Variants in EEF2K observed in about 807,000 individuals in gnomAD.
The protein encoded by EEF2K is alternative protein EEF2K.
Under a neutral mutation model 93.8 loss-of-function variants are expected in EEF2K, and 70 were observed. That is an observed-to-expected ratio of 0.75 (90% CI 0.62 to 0.91). EEF2K has a LOEUF of 0.91. EEF2K is among the 40% of genes least tolerant of loss of function. The pLI is 0.00. For synonymous variants in EEF2K, 376 were observed against 380.8 expected, an observed-to-expected ratio of 0.99 and a Z score of 0.15; for missense variants, 935 against 972.9, an observed-to-expected ratio of 0.96 and a Z score of 0.52.
chr16:22,223,454 T>C (rs971252386), intron 1 of EEF2K, among the ~76,000 whole-genome samples: 13 of 152,192 alleles, frequency 8.5e-5, no homozygotes, highest in African/African-American at 2.9e-4. Context: ...ACCTTTTATA[T>C]TTTTAGTAGA....
chr16:22,274,001 CTGGCACATAAAGCATGTGGTA>C (rs2047610531), intron 16 of EEF2K, among the ~76,000 whole-genome samples: 1 of 152,204 alleles, frequency 6.6e-6, no homozygotes. Flanking sequence ...CTTGCGGTGC[CTGGCACATAAAGCATGTGGTA>C]TGGCTGGGCG....
intron 2 of EEF2K, among the ~76,000 whole-genome samples, chr16:22,237,697 A>G (rs2047181283): frequency 6.6e-6 from 1 of 152,178 alleles, no homozygotes; most frequent in South Asian, 2.1e-4. Context: ...GGCATTACCT[A>G]AATACATTCT....
chr16:22,214,925 G>A (rs2046945186), intron 1 of EEF2K, among the ~76,000 whole-genome samples: 1 of 152,206 alleles, frequency 6.6e-6, no homozygotes, highest in Non-Finnish European at 1.5e-5. Flanking sequence ...TCCACAGGGT[G>A]GGAGTGGGCT....
At chr16:22,240,900 G>T (rs62044768) in intron 2 of EEF2K, among the ~76,000 whole-genome samples, 6,268 of 152,120 alleles carry the variant, frequency 0.041, 158 homozygotes, top group Non-Finnish European at 0.061. Context: ...CTCCCAAGTA[G>T]CTGGGATTAC....
intron 2 of EEF2K, among the ~76,000 whole-genome samples, chr16:22,242,564 G>A (rs750306441): frequency 4.6e-5 from 7 of 151,568 alleles, no homozygotes; most frequent in Non-Finnish European, 1.0e-4. Flanking sequence ...CATCTGCCTC[G>A]GCCTCCCAAA....
At chr16:22,221,448 A>C (rs1377968731) in intron 1 of EEF2K, among the ~76,000 whole-genome samples, 1 of 151,942 alleles carries the variant, frequency 6.6e-6, no homozygotes, top group Admixed American at 6.6e-5. Flanking sequence ...CACTCCAGCC[A>C]GGGCAACCTG....
At chr16:22,273,786 AC>A (rs1285182563) in intron 16 of EEF2K, 36 bp downstream of exon 16, 2 of 1,607,026 alleles carry the variant, frequency 1.2e-6, no homozygotes, top group Non-Finnish European at 1.7e-6. Flanking sequence ...GCTGGTAGGA[AC>A]CTGGGCTGCA....
chr16:22,266,664 C>A (rs1003820815), intron 14 of EEF2K, 24 bp from the exon 15 acceptor site: 1 of 1,591,958 alleles, frequency 6.3e-7, no homozygotes, highest in South Asian at 1.1e-5. Context: ...GACAGCCAGG[C>A]CGACACCGTA....
chr16:22,263,081 A>G, intron 11 of EEF2K, 29 bp from the exon 12 acceptor site: 1 of 1,603,650 alleles, frequency 6.2e-7, no homozygotes, highest in South Asian at 1.1e-5. Context: ...GGGGACCACC[A>G]GGACCCTAAG....
chr16:22,217,660 C>T (rs1285492826), intron 1 of EEF2K, among the ~76,000 whole-genome samples: 1 of 152,114 alleles, frequency 6.6e-6, no homozygotes, highest in African/African-American at 2.4e-5. Context: ...ACCATGTTGG[C>T]CAGGCTGGTC....
At chr16:22,216,323 G>A (rs905742856) in intron 1 of EEF2K, among the ~76,000 whole-genome samples, 1 of 152,194 alleles carries the variant, frequency 6.6e-6, no homozygotes, top group African/African-American at 2.4e-5. Context: ...GGACCTAGCA[G>A]CTCCTGTCAT....
intron 4 of EEF2K, among the ~76,000 whole-genome samples, chr16:22,249,768 C>T (rs1399079663): frequency 1.3e-5 from 2 of 151,844 alleles, no homozygotes; most frequent in Non-Finnish European, 2.9e-5. Flanking sequence ...CCGTCACACC[C>T]AGTCAATTTT....
chr16:22,235,593 G>A (rs1030712565), intron 2 of EEF2K, among the ~76,000 whole-genome samples: 1 of 151,902 alleles, frequency 6.6e-6, no homozygotes, highest in Non-Finnish European at 1.5e-5. Context: ...TGCCTCTCGG[G>A]TTCAAGTGAT....
At chr16:22,258,275 C>T (rs2047427286) in intron 9 of EEF2K, among the ~76,000 whole-genome samples, 1 of 152,130 alleles carries the variant, frequency 6.6e-6, no homozygotes, top group African/African-American at 2.4e-5. Flanking sequence ...GGGATACTGG[C>T]AGGTCCTCTG....
intron 4 of EEF2K, 143 bp from the exon 5 acceptor site, chr16:22,250,511 G>C: frequency 1.0e-6 from 1 of 965,568 alleles, no homozygotes; most frequent in South Asian, 1.6e-5. Context: ...AGACATAGAA[G>C]GGAGATCCCC....
intron 1 of EEF2K, among the ~76,000 whole-genome samples, chr16:22,209,289 G>A (rs1481191912): frequency 1.3e-5 from 2 of 152,306 alleles, no homozygotes; most frequent in South Asian, 2.1e-4. Context: ...GCCTCCCAAA[G>A]TGCTGGGATT....
intron 12 of EEF2K, among the ~76,000 whole-genome samples, chr16:22,263,622 TAA>T (rs775645347): frequency 6.6e-6 from 1 of 151,992 alleles, no homozygotes; most frequent in Non-Finnish European, 1.5e-5. Flanking sequence ...TAAAATAAAA[TAA>T]AGAGTATTTC....
chr16:22,255,862 A>T (rs1215173496), intron 6 of EEF2K, among the ~76,000 whole-genome samples: 1 of 151,934 alleles, frequency 6.6e-6, no homozygotes, highest in Non-Finnish European at 1.5e-5. Context: ...ATGAGCCATG[A>T]TTATGACACT....
intron 6 of EEF2K, among the ~76,000 whole-genome samples, chr16:22,256,061 G>A (rs540020152): frequency 2.6e-5 from 4 of 151,846 alleles, no homozygotes; most frequent in East Asian, 2.0e-4. Context: ...TTTTTGGTAC[G>A]CACAAGCACG....
Sources: allele counts gnomAD v4.1 joint callset (sites outside exome capture counted in the v4.1 genomes callset), GRCh38; gene constraint gnomAD v4.1.1; transcripts MANE v1.5; gene names NCBI Gene and HGNC (gene_info 2026-07-23, HGNC 2026-07-21).